The following CAPN15 variants were observed in gnomAD, a reference collection of about 807,000 sequenced individuals.
CAPN15 encodes the protein calpain 15.
CAPN15 carries 53 observed loss-of-function variants against 97.9 expected under a neutral mutation model. The observed-to-expected ratio is 0.54, with a 90% confidence interval of 0.43 to 0.68. The LOEUF (loss-of-function observed/expected upper bound fraction) is 0.68, where lower values mean the gene tolerates loss of function less well. CAPN15 is among the 30% of genes least tolerant of loss of function. The pLI is 0.00. For synonymous variants in CAPN15, 922 were observed against 722.5 expected (o/e 1.28, Z -4.43); for missense variants, 1,592 against 1,589.8 (o/e 1.00, Z -0.02).
chr16:540,060 CTGTT>C (rs747335908), intron 3 of CAPN15: 75 of 983,898 alleles, frequency 7.6e-5, no homozygotes, highest in African/African-American at 2.8e-4. Context: ...CTCTCTCTGT[CTGTT>C]TATTTTTGTT....
At position 552,677 on chromosome 16, in the gene CAPN15, C is replaced by T. The variant is rs1327934673; in HGVS notation, c.2810C>T (p.Ser937Leu). 11 of 1,543,944 alleles carry T rather than the reference C, an allele frequency of 7.1e-6. No homozygotes were observed. Among genetic ancestry groups the T allele is most frequent in the Non-Finnish European group, 8.7e-6 (10 of 1,146,100 alleles). The stretch of plus-strand genomic sequence containing the variant: ...GGCCACGTGCTGGCTGTGTACAGCT[C>T]GAGGCTGGTCATGGTGGAGCCCGTG... ...PPGHVLAVYS[S>L]RLVMVEPVEA... The change falls in exon 12 of 14, where the codon TCG becomes TTG. Residue 937 changes from serine (S) to leucine (L), a missense_variant. By Grantham distance (145) the Ser-to-Leu change is moderately radical. This residue lies in a region of CAPN15 where 644 missense variants were observed against 699.6 expected (regional missense o/e 0.92). Transcript: ENST00000219611. The surrounding 1 kb of genome is among the most constrained non-coding windows in gnomAD (Gnocchi z 6.4).
rs1250973543 is a variant in CAPN15, at chr16:553,551, G to T, written c.*35G>T. 2.8e-6 allele frequency: 4 copies of T among 1,427,114 alleles called. No homozygotes were observed. Among genetic ancestry groups the T allele is most frequent in the Non-Finnish European group, 3.9e-6 (4 of 1,034,476 alleles). The allele number at this position is 1,427,114 out of a possible 1,614,324, so 88.4% of individuals were successfully genotyped here. On this transcript the variant is annotated 3_prime_UTR_variant, in exon 14 of 14. Coordinates refer to ENST00000219611, the MANE Select transcript of CAPN15 (RefSeq NM_005632.3). ...CTGGGGCAGGGGCTGTGCACAGACG[G>T]ACCCCCCACCCCCACACGCACTTTA...
chr16:537,132 AG>A (rs1208286834), intron 3 of CAPN15: 2 of 985,332 alleles, frequency 2.0e-6, no homozygotes, highest in African/African-American at 3.5e-5. Context: ...TTTTCTCTGC[AG>A]GGTCCTCTCT....
intron 3 of CAPN15, among the ~76,000 whole-genome samples, chr16:544,535 G>A (rs1228943525): frequency 5.9e-5 from 9 of 152,160 alleles, no homozygotes; most frequent in Non-Finnish European, 1.0e-4. Flanking sequence ...TGTCTTGCAC[G>A]CAGCGAGCGG....
At position 547,462 on chromosome 16, in the gene CAPN15, T is replaced by C; in HGVS notation, c.624T>C (p.Gly208=). The change falls in exon 4 of 14, where the codon GGT becomes GGC. Residue 208 remains glycine, a synonymous_variant. Transcript: ENST00000219611. ...CTCCACCTGGCCTCCCCGGGGAAGG[T>C]GCCGAGGCCAACCCCCCAGCCACCA... is the stretch of plus-strand genomic sequence containing the variant. The part of the protein sequence containing the change: ...AAPPPGLPGE[G]AEANPPATSQ... The C allele has an allele frequency of 6.3e-7, 1 of 1,592,910 alleles. No individual in the cohort carries two copies. The highest frequency in any genetic ancestry group is 8.5e-7 in the Non-Finnish European group (1 of 1,176,770).
intron 1 of CAPN15, among the ~76,000 whole-genome samples, chr16:530,061 C>T (rs553127676): frequency 2.0e-5 from 3 of 152,240 alleles, no homozygotes; most frequent in Non-Finnish European, 2.9e-5. Context: ...CCCTCGTACC[C>T]ACTCGGTGTG....
rs1304420614 is a variant in CAPN15 at position 549,659 on chromosome 16, G to A, written c.1887G>A (p.Leu629=). ...GGGTGGCCCTCATCGAGAAGGCGCT[G>A]GCCAAGCTGCACGGCTCCTACTTTG... ...QLWVALIEKA[L]AKLHGSYFAL... is the part of the protein sequence containing the mutation. The change falls in exon 7 of 14, where the codon CTG becomes CTA. Residue 629 remains leucine (L), a synonymous_variant. Transcript: ENST00000219611. 1.0e-5 allele frequency: 16 copies of A among 1,560,318 alleles called. No homozygotes were observed. The highest frequency in any genetic ancestry group is 1.4e-5 in the Non-Finnish European group (16 of 1,157,550).
intron 2 of CAPN15, among the ~76,000 whole-genome samples, chr16:534,723 C>T (rs1055557342): frequency 1.4e-4 from 21 of 152,212 alleles, no homozygotes; most frequent in East Asian, 1.2e-3. Context: ...AGTTTTAGGG[C>T]GCAGTGGGGT....
intron 9 of CAPN15, 176 bp from the exon 10 acceptor site, chr16:551,875 T>C (rs1567159561): frequency 2.1e-6 from 2 of 974,238 alleles, no homozygotes; most frequent in Admixed American, 4.0e-5. Flanking sequence ...GAGCCGGCCC[T>C]GGAGGGCTTC....
chr16:548,971 C>T (rs765672183), intron 4 of CAPN15, 22 bp from the exon 5 acceptor site: 92 of 1,610,652 alleles, frequency 5.7e-5, no homozygotes, highest in Non-Finnish European at 7.8e-5. Flanking sequence ...CCAGCCTGAG[C>T]ACATGGCCGT....
Position 552,076 on chromosome 16 carries a change from A to G in CAPN15, c.2371A>G (p.Lys791Glu). ...VRYFDSVDIC[K>E]VHSDWQEARV... ...GTACTTCGACTCCGTGGACATCTGT[A>G]AGGTGCACTCGGACTGGCAGGAGGC... is the stretch of plus-strand genomic sequence containing the variant. Residue 791 changes from lysine (K) to glutamate (E), a missense_variant, in exon 10 of 14, where the codon AAG becomes GAG. Transcript: ENST00000219611. The surrounding 1 kb of genome is among the most constrained non-coding windows in gnomAD (Gnocchi z 6.4). 6.5e-7 allele frequency: 1 copy of G among 1,549,172 alleles called. No homozygotes were observed.
At chr16:544,076 C>T (rs912158805) in intron 3 of CAPN15, among the ~76,000 whole-genome samples, 2 of 152,142 alleles carry the variant, frequency 1.3e-5, no homozygotes, top group South Asian at 2.1e-4. Context: ...GGCCGGGCAC[C>T]GGCGGCTCAG....
rs142810996 is a variant in CAPN15, at chr16:551,566, C to T, written c.2247C>T (p.Ser749=). ...GTTTCTCCTGGAACGGCAGCTGGTCCGACGAGTGGCCACACTGGCCGGGGC... is the reference window on the plus strand; with the variant it reads ...GTTTCTCCTGGAACGGCAGCTGGTCTGACGAGTGGCCACACTGGCCGGGGC... ...WGRFSWNGSW[S]DEWPHWPGHL... Residue 749 remains serine (S), a synonymous_variant, in exon 9 of 14, where the codon TCC becomes TCT. Transcript: ENST00000219611. 2,722 of 1,611,414 alleles carry T rather than the reference C, an allele frequency of 1.7e-3. 3 individuals carry two copies. Among genetic ancestry groups the T allele is most frequent in the Non-Finnish European group, 2.2e-3 (2,543 of 1,179,562 alleles).
In CAPN15 at chr16:548,909, C is replaced by T. The variant is rs1246187819; in HGVS notation, c.1450-84C>T. 4.2e-5 allele frequency: 53 copies of T among 1,273,590 alleles called. No individual in the cohort carries two copies. In the Middle Eastern group the frequency reaches 9.0e-4, roughly 22 times the overall value. The allele number at this position is 1,273,590 out of a possible 1,614,324, so 78.9% of individuals were successfully genotyped here. Reference sequence around the variant, plus strand: ...TTGGGGCTCAGGCAGTGCTTTTGGGCGCTCTCCTGGGTGGGGTCTTGTCCC... The same window carrying T: ...TTGGGGCTCAGGCAGTGCTTTTGGGTGCTCTCCTGGGTGGGGTCTTGTCCC... On this transcript the variant is annotated intron_variant, in intron 4 of 13. Transcript: ENST00000219611.
intron 1 of CAPN15, among the ~76,000 whole-genome samples, chr16:528,986 C>T (rs2033050723): frequency 6.6e-6 from 1 of 152,178 alleles, no homozygotes; most frequent in Admixed American, 6.5e-5. Flanking sequence ...CCTTCCGGTT[C>T]TGAGTGACTT....
intron 2 of CAPN15, among the ~76,000 whole-genome samples, chr16:534,864 C>T (rs2033587514): frequency 6.6e-6 from 1 of 152,200 alleles, no homozygotes; most frequent in Admixed American, 6.5e-5. Context: ...CTGTGGTTCC[C>T]ATGGTGGCAA....
intron 3 of CAPN15, among the ~76,000 whole-genome samples, chr16:544,930 C>T (rs2034484046): frequency 7.1e-6 from 1 of 139,864 alleles, no homozygotes; most frequent in Admixed American, 7.0e-5. Flanking sequence ...TGCCCTGAGC[C>T]CGCTCCCTTC....
rs760611776 is a variant in CAPN15, at chr16:548,112, A to G, written c.1274A>G (p.Asn425Ser). The change falls in exon 4 of 14, where the codon AAC becomes AGC. Residue 425 changes from asparagine (N) to serine (S), a missense_variant. This residue lies in a region of CAPN15 where 883 missense variants were observed against 776.6 expected (regional missense o/e 1.14). Coordinates refer to ENST00000219611, the MANE Select transcript of CAPN15 (RefSeq NM_005632.3). ...QWACPACTLLNALRAKHCAAC... is the reference protein window; with the variant it reads ...QWACPACTLLSALRAKHCAAC... ...GCCTGCCCTGCCTGTACCCTGCTCAACGCACTGCGGGCCAAGCACTGCGCC... is the reference window on the plus strand; with the variant it reads ...GCCTGCCCTGCCTGTACCCTGCTCAGCGCACTGCGGGCCAAGCACTGCGCC... The G allele has an allele frequency of 1.3e-6, 2 of 1,538,500 alleles. No individual in the cohort carries two copies. The highest frequency in any genetic ancestry group is 1.7e-6 in the Non-Finnish European group (2 of 1,143,224).
chr16:542,400 G>A (rs1257056698), intron 3 of CAPN15, among the ~76,000 whole-genome samples: 4 of 152,132 alleles, frequency 2.6e-5, no homozygotes, highest in African/African-American at 9.7e-5. Flanking sequence ...CACCGGCAAC[G>A]CTGGGGAGGG....
Sources: allele counts gnomAD v4.1 joint callset (sites outside exome capture counted in the v4.1 genomes callset), GRCh38; gene constraint gnomAD v4.1.1; regional missense constraint gnomAD v4.1.1; non-coding constraint Gnocchi (gnomAD v3.1); transcripts MANE v1.5; gene names NCBI Gene and HGNC (gene_info 2026-07-23, HGNC 2026-07-21).